The following CASTOR2 variants were observed in gnomAD, a reference collection of about 807,000 sequenced individuals.
The protein encoded by CASTOR2 is cytosolic arginine sensor for mTORC1 subunit 2.
CASTOR2 carries 8 observed loss-of-function variants against 31.2 expected under a neutral mutation model. That is an observed-to-expected ratio of 0.26 (90% confidence interval 0.15 to 0.46). The LOEUF (loss-of-function observed/expected upper bound fraction) is 0.46, where lower values mean the gene tolerates loss of function less well. CASTOR2 is among the 20% of genes least tolerant of loss of function. The probability of loss-of-function intolerance (pLI) is 0.99; values close to 1 mark genes in which losing one functional copy is unlikely to be tolerated. For missense variants in CASTOR2, 216 were observed against 382.1 expected (o/e 0.57, Z 3.62); for synonymous variants, 162 against 158.7 (o/e 1.02, Z -0.16).
At chr7:75,003,866 C>T (rs1804550994) in intron 1 of CASTOR2, among the ~76,000 whole-genome samples, 1 of 152,084 alleles carries the variant, frequency 6.6e-6, no homozygotes, top group African/African-American at 2.4e-5. Context: ...CTAATCTGCC[C>T]TCCCCGAAGC....
chr7:75,019,104 G>T lies in CASTOR2; in HGVS notation c.635+9G>T. ...ATGTTCTACTCCAATGGGTAGGGCT[G>T]CCTTGGGCATGAGGGGTTGCAGGGT... On this transcript the variant is annotated intron_variant, in intron 5 of 8. Coordinates refer to ENST00000616305, the MANE Select transcript of CASTOR2 (RefSeq NM_001145064.3). 1 of 1,551,822 alleles carries T rather than the reference G, an allele frequency of 6.4e-7. No individual in the cohort carries two copies. Among genetic ancestry groups the T allele is most frequent in the South Asian group, 1.2e-5 (1 of 84,062 alleles).
chr7:74,985,924 C>G (rs1401777856), intron 1 of CASTOR2, among the ~76,000 whole-genome samples: 4 of 151,928 alleles, frequency 2.6e-5, no homozygotes, highest in Admixed American at 2.0e-4. Context: ...CGGATTCCAC[C>G]TTTATTTATT....
chr7:74,975,709 A>G (rs1490589969), intron 1 of CASTOR2, among the ~76,000 whole-genome samples: 3 of 141,670 alleles, frequency 2.1e-5, no homozygotes, highest in Non-Finnish European at 3.1e-5. Context: ...AAAAAAAAAA[A>G]GCTGGGATAC....
intron 7 of CASTOR2, among the ~76,000 whole-genome samples, chr7:75,023,410 C>T (rs1430129547): frequency 6.6e-6 from 1 of 151,754 alleles, no homozygotes; most frequent in Non-Finnish European, 1.5e-5. Context: ...TTAGTCTTTC[C>T]TCTGTTTCCA....
At chr7:74,992,610 T>C (rs1804238624) in intron 1 of CASTOR2, among the ~76,000 whole-genome samples, 1 of 152,130 alleles carries the variant, frequency 6.6e-6, no homozygotes, top group South Asian at 2.1e-4. Flanking sequence ...CAGCTATTTT[T>C]TGTATTTTTA....
chr7:75,003,909 C>T (rs1400770431), intron 1 of CASTOR2, among the ~76,000 whole-genome samples: 3,088 of 152,226 alleles, frequency 0.02, 39 homozygotes, highest in South Asian at 0.041. Context: ...TCCGAGATGT[C>T]CCCTAGCTCA....
Position 75,019,005 on chromosome 7 carries a change from C to T in CASTOR2, c.545C>T (p.Pro182Leu). The T allele has an allele frequency of 2.6e-6, 4 of 1,551,978 alleles. No homozygotes were observed. The highest frequency in any genetic ancestry group is 1.2e-5 in the South Asian group (1 of 84,064). ...QRPVIHPLSSPSNRFCVTSLD... is the reference protein window; with the variant it reads ...QRPVIHPLSSLSNRFCVTSLD... ...CCAGTCATCCACCCACTGTCCAGCC[C>T]GAGCAACAGGTTCTGTGTCACCAGC... Residue 182 changes from proline (P) to leucine (L), a missense_variant, in exon 5 of 9, where the codon CCG becomes CTG. Coordinates refer to ENST00000616305, the MANE Select transcript of CASTOR2 (RefSeq NM_001145064.3).
chr7:74,994,829 G>GACC (rs1202832798), intron 1 of CASTOR2, among the ~76,000 whole-genome samples: 2 of 152,126 alleles, frequency 1.3e-5, no homozygotes, highest in Admixed American at 6.6e-5. Flanking sequence ...GGAGAGCCTG[G>GACC]ACCACGGTGG....
intron 2 of CASTOR2, among the ~76,000 whole-genome samples, chr7:75,014,593 C>CA (rs1181190749): frequency 1.3e-5 from 2 of 150,340 alleles, no homozygotes; most frequent in African/African-American, 2.4e-5. Flanking sequence ...CACTCTCGCT[C>CA]AAAAAAAAAG....
At chr7:75,013,912 C>T (rs1488849594) in intron 2 of CASTOR2, among the ~76,000 whole-genome samples, 1 of 151,838 alleles carries the variant, frequency 6.6e-6, no homozygotes, top group African/African-American at 2.4e-5. Context: ...ATTTTTAGTA[C>T]AGACAAGGTT....
intron 1 of CASTOR2, among the ~76,000 whole-genome samples, chr7:74,983,482 TGAA>T (rs1261738579): frequency 9.6e-5 from 14 of 145,588 alleles, no homozygotes; most frequent in Non-Finnish European, 1.5e-5. Context: ...TGTAGAAGAA[TGAA>T]GAAGGTGATA....
In CASTOR2 at chr7:74,965,894, T is replaced by A. The variant is rs1280029699; in HGVS notation, c.113+796T>A. ...CACACACACACACACTCTCTCTCTCTCTCTCTCTCTCTCTCTCTCACTTGG... is the reference window on the plus strand; with the variant it reads ...CACACACACACACACTCTCTCTCTCACTCTCTCTCTCTCTCTCTCACTTGG... On this transcript the variant is annotated intron_variant, in intron 1 of 8. Coordinates refer to ENST00000616305, the MANE Select transcript of CASTOR2 (RefSeq NM_001145064.3). Among the ~76,000 whole-genome samples, 45 of 38,324 alleles carry A rather than the reference T, an allele frequency of 1.2e-3. 1 individual carries two copies. Among genetic ancestry groups the A allele is most frequent in the South Asian group, 2.5e-3 (3 of 1,200 alleles). 25.1% of individuals were successfully genotyped at this position (38,324 alleles called of 152,430 possible). A position where few individuals can be genotyped will look rare whatever the true frequency, so the allele number is the denominator to read the frequency against.
At chr7:75,007,058 C>T (rs1253975693) in intron 1 of CASTOR2, among the ~76,000 whole-genome samples, 7 of 152,130 alleles carry the variant, frequency 4.6e-5, no homozygotes, top group Admixed American at 1.3e-4. Context: ...GCTGGAGAGC[C>T]GGAACACCAG....
chr7:75,011,294 G>T (rs1458498998), intron 2 of CASTOR2, among the ~76,000 whole-genome samples: 3 of 151,588 alleles, frequency 2.0e-5, no homozygotes, highest in African/African-American at 7.3e-5. Context: ...CCGGGCATGG[G>T]GACACATGCC....
In CASTOR2 at chr7:75,030,991, A is replaced by G. The variant is rs2131965829; in HGVS notation, c.*6292A>G. 6.6e-6 allele frequency among the ~76,000 whole-genome samples: 1 copy of G among 152,332 alleles called. No individual in the cohort carries two copies. The highest frequency in any genetic ancestry group is 1.5e-5 in the Non-Finnish European group (1 of 68,032). ...AGGTGGCAGGGTGAACAGCAGGCCA[A>G]GTTCAGGTCCCAAGACAGGCCAAGG... On this transcript the variant is annotated 3_prime_UTR_variant, in exon 9 of 9. Transcript: ENST00000616305.
intron 1 of CASTOR2, among the ~76,000 whole-genome samples, chr7:74,975,564 A>G: frequency 7.5e-6 from 1 of 132,944 alleles, no homozygotes; most frequent in Non-Finnish European, 1.6e-5. Flanking sequence ...AAAAATAGAA[A>G]AATTAGCCAG....
rs982978880 is a variant in CASTOR2, at chr7:75,027,619, C to T, written c.*2920C>T. The T allele has an allele frequency of 2.0e-5, 4 of 203,998 alleles. No homozygotes were observed. Among genetic ancestry groups the T allele is most frequent in the South Asian group, 7.7e-5 (1 of 12,956 alleles). The allele number at this position is 203,998 out of a possible 1,614,324, so 12.6% of individuals were successfully genotyped here. A position where few individuals can be genotyped will look rare whatever the true frequency, so the allele number is the denominator to read the frequency against. ...ATGGAGAAAAGCATGTGTGTCGGGG[C>T]GCGCTGGGGCCAGGGTATGGCTCTC... On this transcript the variant is annotated 3_prime_UTR_variant, in exon 9 of 9. Coordinates refer to ENST00000616305, the MANE Select transcript of CASTOR2 (RefSeq NM_001145064.3).
At chr7:75,007,788 C>CA (rs1804638728) in intron 1 of CASTOR2, 6 of 687,722 alleles carry the variant, frequency 8.7e-6, no homozygotes, top group African/African-American at 1.8e-5. Flanking sequence ...ATAGTGGGGA[C>CA]AATCAGCATC....
intron 2 of CASTOR2, among the ~76,000 whole-genome samples, chr7:75,013,345 G>A (rs1378405358): frequency 7.2e-5 from 11 of 152,182 alleles, no homozygotes; most frequent in African/African-American, 1.2e-4. Flanking sequence ...CAATGTGAAC[G>A]TTCTTAAGAG....
Sources: allele counts gnomAD v4.1 joint callset (sites outside exome capture counted in the v4.1 genomes callset), GRCh38; gene constraint gnomAD v4.1.1; transcripts MANE v1.5; gene names NCBI Gene and HGNC (gene_info 2026-07-23, HGNC 2026-07-21).